The following CXADR variants were observed in gnomAD, a reference collection of about 807,000 sequenced individuals.
CXADR encodes coxsackievirus and adenovirus receptor.
Under a neutral mutation model 40.3 loss-of-function variants are expected in CXADR, and 20 were observed. That is an observed-to-expected ratio of 0.50 (90% CI 0.35 to 0.72). The LOEUF (loss-of-function observed/expected upper bound fraction) is 0.72, where lower values mean the gene tolerates loss of function less well. Among genes scored for constraint, CXADR ranks in the 30% least tolerant of loss-of-function variants. CXADR has a pLI of 0.01. For missense variants in CXADR, 332 were observed against 449.1 expected (o/e 0.74, Z 2.36); for synonymous variants, 150 against 161.3 (o/e 0.93, Z 0.53).
chr21:17,574,257 C>G (rs1569149138), downstream of CXADR, among the ~76,000 whole-genome samples: 1 of 152,158 alleles, frequency 6.6e-6, no homozygotes, highest in Non-Finnish European at 1.5e-5. Context: ...ATCTATTTCA[C>G]AGAAGAAAAT....
intron 7 of CXADR, among the ~76,000 whole-genome samples, chr21:17,589,991 T>A (rs2061423593): frequency 6.6e-6 from 1 of 152,122 alleles, no homozygotes; most frequent in African/African-American, 2.4e-5. Context: ...ACACTAATAT[T>A]ATACACAGAA....
intron 7 of CXADR, among the ~76,000 whole-genome samples, chr21:17,576,375 TA>T (rs1335085673): frequency 1.3e-5 from 2 of 152,190 alleles, no homozygotes; most frequent in African/African-American, 2.4e-5. Context: ...ACCTCATGAA[TA>T]AAATAGGATA....
Position 17,566,278 on chromosome 21 carries a change from T to C in CXADR, c.*586T>C, listed in dbSNP as rs2061207683. On this transcript the variant is annotated 3_prime_UTR_variant, in exon 7 of 7. Coordinates refer to ENST00000284878, the MANE Select transcript of CXADR (RefSeq NM_001338.5). ...AGAAATTACTAATTTTACTTCTAAG[T>C]CATTCATAAACCTTGTCTATGAAAT... is the stretch of plus-strand genomic sequence containing the variant. 10 of 981,152 alleles carry C rather than the reference T, an allele frequency of 1.0e-5. No individual in the cohort carries two copies. The highest frequency in any genetic ancestry group is 1.1e-5 in the Non-Finnish European group (9 of 826,124). The allele number at this position is 981,152 out of a possible 1,614,324, so 60.8% of individuals were successfully genotyped here. A position where few individuals can be genotyped will look rare whatever the true frequency, so the allele number is the denominator to read the frequency against.
In CXADR at chr21:17,567,111, T is replaced by C. The variant is rs420854; in HGVS notation, c.*1419T>C. The C allele has an allele frequency of 0.33, 323,904 of 980,580 alleles. 53,925 individuals are homozygous for C. Among genetic ancestry groups the C allele is most frequent in the African/African-American group, 0.36 (20,614 of 57,124 alleles). 60.7% of individuals were successfully genotyped at this position (980,580 alleles called of 1,614,324 possible). A position where few individuals can be genotyped will look rare whatever the true frequency, so the allele number is the denominator to read the frequency against. On this transcript the variant is annotated 3_prime_UTR_variant, in exon 7 of 7. Transcript: ENST00000284878. ...TGGATACAGTAGAATGAGCCAACAG[T>C]TTCTTTATAATAAATACGGTCTGCA...
chr21:17,557,059 G>A (rs571910008), intron 3 of CXADR, among the ~76,000 whole-genome samples: 1 of 152,054 alleles, frequency 6.6e-6, no homozygotes, highest in Non-Finnish European at 1.5e-5. Context: ...AAACAAAAAT[G>A]CATTTACCTT....
chr21:17,535,154 G>A (rs1015567121), intron 1 of CXADR, among the ~76,000 whole-genome samples: 3 of 151,966 alleles, frequency 2.0e-5, no homozygotes, highest in Admixed American at 6.6e-5. Flanking sequence ...TTGACACAGC[G>A]TCTTGCTCTG....
At chr21:17,625,638 T>G in the CXADR span, among the ~76,000 whole-genome samples, 1 of 152,228 alleles carries the variant, frequency 6.6e-6, no homozygotes, top group Admixed American at 6.5e-5. Flanking sequence ...GCTAAAATCT[T>G]TAAAGAGCTC....
chr21:17,534,349 C>T (rs2060726227), intron 1 of CXADR, among the ~76,000 whole-genome samples: 1 of 151,874 alleles, frequency 6.6e-6, no homozygotes, highest in African/African-American at 2.4e-5. Flanking sequence ...CCTGTCTCAG[C>T]CTCCCAAAGT....
chr21:17,522,646 C>G (rs1449384958), intron 1 of CXADR, among the ~76,000 whole-genome samples: 1 of 152,226 alleles, frequency 6.6e-6, no homozygotes, highest in Non-Finnish European at 1.5e-5. Context: ...TCTTCAGCCT[C>G]TTAAACCTCA....
chr21:17,600,991 G>A, the CXADR span, among the ~76,000 whole-genome samples: 1 of 152,062 alleles, frequency 6.6e-6, no homozygotes, highest in Non-Finnish European at 1.5e-5. Flanking sequence ...GTGAAACCCT[G>A]TCTCTACTAA....
intron 1 of CXADR, chr21:17,519,120 TGCCTCCCCTCCAAGGCAA>T: frequency 1.4e-6 from 1 of 725,876 alleles, no homozygotes; most frequent in Non-Finnish European, 2.4e-6. Flanking sequence ...AGAGGAAAAA[TGCCTCCCCTCCAAGGCAA>T]GCCTCCCTAC....
downstream of CXADR, chr21:17,594,350 C>T (rs756501688): frequency 2.5e-6 from 4 of 1,598,860 alleles, no homozygotes; most frequent in Admixed American, 1.8e-5. Context: ...GAAGAGAACA[C>T]ATTAAGTTAA....
At chr21:17,575,013 A>T (rs2061309874), downstream of CXADR, among the ~76,000 whole-genome samples, 1 of 149,074 alleles carries the variant, frequency 6.7e-6, no homozygotes, top group African/African-American at 2.5e-5. Context: ...ACATACATAC[A>T]TACATACATA....
chr21:17,548,968 A>G (rs1338958352), intron 2 of CXADR, among the ~76,000 whole-genome samples: 2 of 152,222 alleles, frequency 1.3e-5, no homozygotes, highest in African/African-American at 4.8e-5. Context: ...TTTAAACTAC[A>G]TATGTTAACA....
intron 1 of CXADR, among the ~76,000 whole-genome samples, chr21:17,545,072 G>GTTTTTTT (rs869189508): frequency 3.6e-5 from 2 of 55,424 alleles, no homozygotes; most frequent in African/African-American, 6.8e-5. Flanking sequence ...GCTCTAATGT[G>GTTTTTTT]TTTTTTTTTT....
intron 1 of CXADR, among the ~76,000 whole-genome samples, chr21:17,531,677 T>C (rs2060678064): frequency 6.6e-6 from 1 of 152,202 alleles, no homozygotes; most frequent in African/African-American, 2.4e-5. Flanking sequence ...GTAGTCCCCG[T>C]TTGTCACAGA....
At chr21:17,611,008 C>G in the CXADR span, among the ~76,000 whole-genome samples, 2 of 152,108 alleles carry the variant, frequency 1.3e-5, no homozygotes, top group African/African-American at 4.8e-5. Flanking sequence ...TCCCAGAACC[C>G]TAGAATGAGA....
chr21:17,585,832 A>T (rs1032344422), intron 7 of CXADR, among the ~76,000 whole-genome samples: 1 of 152,092 alleles, frequency 6.6e-6, no homozygotes, highest in Non-Finnish European at 1.5e-5. Flanking sequence ...TTCTTTTCTT[A>T]AATGAACAAT....
At chr21:17,593,552 A>T (rs186080055) in exon 8 of CXADR, 79 of 171,970 alleles carry the variant, frequency 4.6e-4, no homozygotes, top group Admixed American at 1.8e-3. Context: ...AAATTTTAAA[A>T]TTCTTACGTT....
Sources: gnomAD v4.1 joint callset for allele counts (sites outside exome capture counted in the v4.1 genomes callset) on GRCh38, gnomAD v4.1.1 for gene constraint, MANE v1.5 for transcripts, NCBI Gene and HGNC (gene_info 2026-07-23, HGNC 2026-07-21) for gene names.